CDH18: variants seen among roughly 807,000 people sequenced by gnomAD.
CDH18 encodes the protein cadherin-18.
Under a neutral mutation model 67.9 loss-of-function variants are expected in CDH18, and 31 were observed. The ratio of observed to expected loss-of-function variants is 0.46; its 90% CI spans 0.34 to 0.62. The LOEUF (loss-of-function observed/expected upper bound fraction) is 0.62. CDH18 is among the 20% of genes least tolerant of loss of function. CDH18 has a pLI of 0.01. For missense variants in CDH18, 890 were observed against 975.5 expected (o/e 0.91, Z 1.17); for synonymous variants, 362 against 347.2 (o/e 1.04, Z -0.48).
At chr5:19,631,679 AC>A (rs201506628) in intron 5 of CDH18, among the ~76,000 whole-genome samples, 7 of 67,682 alleles carry the variant, frequency 1.0e-4, no homozygotes, top group African/African-American at 1.3e-4. Flanking sequence ...ATTTTGAACT[AC>A]GGGAAGATAT....
intron 4 of CDH18, among the ~76,000 whole-genome samples, chr5:19,734,341 G>A (rs1341302897): frequency 1.3e-5 from 2 of 152,154 alleles, no homozygotes; most frequent in African/African-American, 4.8e-5. Flanking sequence ...TCCAAAGCAG[G>A]AGTAACTGCA....
At chr5:19,728,532 G>A (rs557982186) in intron 4 of CDH18, among the ~76,000 whole-genome samples, 14 of 152,038 alleles carry the variant, frequency 9.2e-5, no homozygotes, top group East Asian at 3.9e-4. Context: ...CATTCTTTTC[G>A]TTTGTTTTTT....
At chr5:20,363,975 G>A (rs1398971485) in intron 1 of CDH18, among the ~76,000 whole-genome samples, 1 of 152,056 alleles carries the variant, frequency 6.6e-6, no homozygotes, top group African/African-American at 2.4e-5. Flanking sequence ...CTTTACAAAA[G>A]TGCCACAAGT....
At chr5:19,719,937 G>GAAAGAAAGAAAGAAAGAA in intron 5 of CDH18, among the ~76,000 whole-genome samples, 1 of 151,106 alleles carries the variant, frequency 6.6e-6, no homozygotes, top group Non-Finnish European at 1.5e-5. Flanking sequence ...AAGAAAGAAA[G>GAAAGAAAGAAAGAAAGAA]AAAGAAAGAA....
At chr5:19,513,792 T>C (rs1466096696) in intron 10 of CDH18, among the ~76,000 whole-genome samples, 4 of 152,102 alleles carry the variant, frequency 2.6e-5, no homozygotes, top group Admixed American at 2.6e-4. Context: ...TTCATTTAAG[T>C]TTGTTCTTCT....
At chr5:19,858,496 G>A (rs1784532725) in intron 2 of CDH18, among the ~76,000 whole-genome samples, 1 of 152,156 alleles carries the variant, frequency 6.6e-6, no homozygotes, top group Non-Finnish European at 1.5e-5. Context: ...TGCAGATCAG[G>A]AGCATATAAA....
intron 7 of CDH18, among the ~76,000 whole-genome samples, chr5:19,576,176 C>A (rs1278954172): frequency 2.6e-5 from 4 of 151,966 alleles, no homozygotes. Flanking sequence ...ACCTTCATGA[C>A]ATTGTTCTAG....
At chr5:20,021,042 G>A (rs1352029051) in intron 2 of CDH18, among the ~76,000 whole-genome samples, 1 of 151,594 alleles carries the variant, frequency 6.6e-6, no homozygotes, top group East Asian at 2.0e-4. Context: ...GTGTTGCCTG[G>A]ATGTGACACA....
At chr5:19,905,653 G>A (rs1432087202) in intron 2 of CDH18, among the ~76,000 whole-genome samples, 1 of 151,802 alleles carries the variant, frequency 6.6e-6, no homozygotes, top group East Asian at 1.9e-4. Context: ...ATATATACTT[G>A]TTTTTAACCT....
chr5:19,956,305 A>G (rs1796251627), intron 2 of CDH18, among the ~76,000 whole-genome samples: 2 of 151,996 alleles, frequency 1.3e-5, no homozygotes, highest in South Asian at 2.1e-4. Context: ...TGAAAAGTAT[A>G]TATGTTCAAT....
intron 2 of CDH18, among the ~76,000 whole-genome samples, chr5:19,969,316 C>A (rs982588727): frequency 4.2e-5 from 6 of 141,970 alleles, no homozygotes; most frequent in African/African-American, 9.1e-5. Flanking sequence ...ACTAGAAATA[C>A]CATTTGACCC....
intron 2 of CDH18, among the ~76,000 whole-genome samples, chr5:19,906,558 G>A (rs2150126795): frequency 6.6e-6 from 1 of 151,848 alleles, no homozygotes; most frequent in South Asian, 2.1e-4. Flanking sequence ...CTTTCTTCTT[G>A]GCTTCTTCTT....
chr5:19,695,090 G>A (rs373212208), intron 5 of CDH18, among the ~76,000 whole-genome samples: 1 of 152,184 alleles, frequency 6.6e-6, no homozygotes, highest in South Asian at 2.1e-4. Flanking sequence ...GATCACACGA[G>A]TTTTTTCTGG....
intron 1 of CDH18, among the ~76,000 whole-genome samples, chr5:20,325,918 C>G (rs1738531576): frequency 6.6e-6 from 1 of 152,002 alleles, no homozygotes; most frequent in South Asian, 2.1e-4. Flanking sequence ...ATGAGAAACA[C>G]CCTTCCCTCT....
At chr5:19,859,020 T>C (rs962876203) in intron 2 of CDH18, among the ~76,000 whole-genome samples, 3 of 152,174 alleles carry the variant, frequency 2.0e-5, no homozygotes, top group Non-Finnish European at 4.4e-5. Flanking sequence ...TGGCTTGTAT[T>C]TAATGTGTAC....
chr5:19,581,204 T>C (rs879712150), intron 7 of CDH18, among the ~76,000 whole-genome samples: 1 of 152,002 alleles, frequency 6.6e-6, no homozygotes, highest in Non-Finnish European at 1.5e-5. Flanking sequence ...CAGCTTACTG[T>C]CAATGAGTTG....
intron 1 of CDH18, among the ~76,000 whole-genome samples, chr5:20,268,196 A>T (rs969132018): frequency 1.3e-5 from 2 of 152,124 alleles, no homozygotes; most frequent in African/African-American, 4.8e-5. Context: ...CCAATCCATT[A>T]CTGATGGACA....
chr5:19,669,043 C>T (rs1758351782), intron 5 of CDH18, among the ~76,000 whole-genome samples: 1 of 149,446 alleles, frequency 6.7e-6, no homozygotes, highest in South Asian at 2.1e-4. Context: ...GACATTCATA[C>T]CATAAAGTAA....
chr5:19,553,140 T>C (rs1737763218), intron 8 of CDH18, among the ~76,000 whole-genome samples: 1 of 152,174 alleles, frequency 6.6e-6, no homozygotes, highest in African/African-American at 2.4e-5. Context: ...ATGCAGGTCA[T>C]CATTTGGAAC....
Sources: gnomAD v4.1 joint callset for allele counts (sites outside exome capture counted in the v4.1 genomes callset) on GRCh38, gnomAD v4.1.1 for gene constraint, MANE v1.5 for transcripts, NCBI Gene and HGNC (gene_info 2026-07-23, HGNC 2026-07-21) for gene names.